MYO3B: variants seen among roughly 807,000 people sequenced by gnomAD.
The protein encoded by MYO3B is myosin IIIB.
MYO3B carries 156 observed loss-of-function variants against 174.6 expected under a neutral mutation model. The ratio of observed to expected loss-of-function variants is 0.89; its 90% CI spans 0.78 to 1.02. MYO3B has a LOEUF of 1.02. MYO3B is among the 50% of genes least tolerant of loss of function. The pLI, the probability that MYO3B is intolerant of heterozygous loss-of-function variation, is 0.00. For missense variants in MYO3B, 1,632 were observed against 1,639.4 expected (o/e 1.00, Z 0.08); for synonymous variants, 563 against 569.1 (o/e 0.99, Z 0.15).
At chr2:170,635,162 T>C (rs1697354415) in intron 32 of MYO3B, among the ~76,000 whole-genome samples, 2 of 152,196 alleles carry the variant, frequency 1.3e-5, no homozygotes, top group African/African-American at 2.4e-5. Flanking sequence ...CACATGCACA[T>C]GTATGTTTAT....
intron 3 of MYO3B, among the ~76,000 whole-genome samples, chr2:170,202,808 C>T (rs188555858): frequency 6.6e-6 from 1 of 152,168 alleles, no homozygotes; most frequent in Non-Finnish European, 1.5e-5. Flanking sequence ...TAATACTGTT[C>T]TCCTCATCTT....
At chr2:170,227,143 T>G (rs936224326) in intron 6 of MYO3B, among the ~76,000 whole-genome samples, 3 of 152,152 alleles carry the variant, frequency 2.0e-5, no homozygotes, top group Admixed American at 6.5e-5. Flanking sequence ...TGAGCCACCA[T>G]GAGAGCAAAT....
chr2:170,331,133 G>A (rs1358422470), intron 7 of MYO3B, among the ~76,000 whole-genome samples: 1 of 152,194 alleles, frequency 6.6e-6, no homozygotes, highest in Non-Finnish European at 1.5e-5. Context: ...CTGTTTTGGA[G>A]CTACAAGTAC....
intron 26 of MYO3B, 30 bp downstream of exon 26, chr2:170,498,733 C>A (rs770451342): frequency 6.4e-6 from 9 of 1,405,542 alleles, no homozygotes; most frequent in Non-Finnish European, 9.1e-6. Flanking sequence ...TCAAATTGTC[C>A]CGTATGATTT....
intron 3 of MYO3B, among the ~76,000 whole-genome samples, chr2:170,203,883 TG>T (rs2092689812): frequency 6.6e-6 from 1 of 152,026 alleles, no homozygotes; most frequent in Non-Finnish European, 1.5e-5. Flanking sequence ...AACTTTGAAA[TG>T]GAACAGCATT....
intron 32 of MYO3B, among the ~76,000 whole-genome samples, chr2:170,546,688 A>G (rs1282567849): frequency 2.0e-5 from 3 of 152,280 alleles, no homozygotes; most frequent in Non-Finnish European, 2.9e-5. Flanking sequence ...TATCAGTTGT[A>G]GAAACAAGAA....
intron 30 of MYO3B, among the ~76,000 whole-genome samples, chr2:170,539,404 A>G (rs542118498): frequency 6.6e-6 from 1 of 152,234 alleles, no homozygotes; most frequent in African/African-American, 2.4e-5. Flanking sequence ...GCCTCACATT[A>G]CAAGACAATG....
chr2:170,278,865 G>A (rs1049478388), intron 7 of MYO3B, among the ~76,000 whole-genome samples: 3 of 151,988 alleles, frequency 2.0e-5, no homozygotes, highest in Non-Finnish European at 4.4e-5. Flanking sequence ...ATTGGAATGA[G>A]TACATGCGAT....
chr2:170,555,324 T>C (rs1318747817), intron 32 of MYO3B, among the ~76,000 whole-genome samples: 1 of 152,206 alleles, frequency 6.6e-6, no homozygotes, highest in African/African-American at 2.4e-5. Flanking sequence ...GTACGTTCTG[T>C]GAGCTTTGAC....
At position 170,431,888 on chromosome 2, in the gene MYO3B, A is replaced by G. The variant is rs142756044; in HGVS notation, c.2651-12079A>G. 4.2e-3 allele frequency among the ~76,000 whole-genome samples: 644 copies of G among 152,352 alleles called. 3 individuals are homozygous for G. The highest frequency in any genetic ancestry group is 0.015 in the African/African-American group (629 of 41,578). Reference sequence around the variant, plus strand: ...TTTCAGTCAATGACAGACCACATATACAACTGTGGTCCCATAAGATTACAA... The same window carrying G: ...TTTCAGTCAATGACAGACCACATATGCAACTGTGGTCCCATAAGATTACAA... On this transcript the variant is annotated intron_variant, in intron 22 of 34. Transcript: ENST00000408978.
intron 32 of MYO3B, among the ~76,000 whole-genome samples, chr2:170,544,249 T>C (rs1273066430): frequency 6.6e-6 from 1 of 152,236 alleles, no homozygotes; most frequent in Non-Finnish European, 1.5e-5. Flanking sequence ...TGTTCTAAAA[T>C]TTCATTTTAT....
At chr2:170,589,244 C>T (rs1319771180) in intron 32 of MYO3B, among the ~76,000 whole-genome samples, 2 of 152,034 alleles carry the variant, frequency 1.3e-5, no homozygotes, top group African/African-American at 4.8e-5. Flanking sequence ...AGAGGATGTT[C>T]GTGGTGTATT....
chr2:170,261,307 G>T (rs1413730294), intron 7 of MYO3B, among the ~76,000 whole-genome samples: 1 of 152,146 alleles, frequency 6.6e-6, no homozygotes, highest in Admixed American at 6.5e-5. Flanking sequence ...TTACAGATGT[G>T]AGCTACCACG....
intron 7 of MYO3B, among the ~76,000 whole-genome samples, chr2:170,240,634 G>A (rs937491914): frequency 1.3e-5 from 2 of 152,186 alleles, no homozygotes; most frequent in African/African-American, 4.8e-5. Context: ...GGGGACTGGG[G>A]TATATGGAAA....
At chr2:170,268,135 G>A (rs1357589738) in intron 7 of MYO3B, among the ~76,000 whole-genome samples, 10 of 152,120 alleles carry the variant, frequency 6.6e-5, no homozygotes, top group East Asian at 1.9e-4. Context: ...ACTTGAACCC[G>A]GGAGGCAGAG....
chr2:170,425,444 G>A (rs1355734951), intron 22 of MYO3B, among the ~76,000 whole-genome samples: 1 of 152,332 alleles, frequency 6.6e-6, no homozygotes, highest in African/African-American at 2.4e-5. Flanking sequence ...CTGAACTTGA[G>A]AGCTGGAGGT....
At chr2:170,619,477 G>C (rs1353513902) in intron 32 of MYO3B, among the ~76,000 whole-genome samples, 1 of 152,134 alleles carries the variant, frequency 6.6e-6, no homozygotes, top group Non-Finnish European at 1.5e-5. Context: ...GTGGCTCAAG[G>C]TCTGTTGTGA....
intron 7 of MYO3B, among the ~76,000 whole-genome samples, chr2:170,303,128 A>G (rs1036858460): frequency 6.6e-6 from 1 of 152,198 alleles, no homozygotes; most frequent in Non-Finnish European, 1.5e-5. Context: ...TTTATAGTTT[A>G]CTACTGTTGT....
At chr2:170,303,459 G>C (rs1043789091) in intron 7 of MYO3B, among the ~76,000 whole-genome samples, 3 of 152,082 alleles carry the variant, frequency 2.0e-5, no homozygotes, top group African/African-American at 7.2e-5. Flanking sequence ...GCATGAGACT[G>C]ATTATATTTA....
Sources: gnomAD v4.1 joint callset for allele counts (sites outside exome capture counted in the v4.1 genomes callset) on GRCh38, gnomAD v4.1.1 for gene constraint, MANE v1.5 for transcripts, NCBI Gene and HGNC (gene_info 2026-07-23, HGNC 2026-07-21) for gene names.